The following STPG2 variants were observed in gnomAD, a reference collection of about 807,000 sequenced individuals.
STPG2 encodes sperm tail PG-rich repeat containing 2.
Under a neutral mutation model 54.2 loss-of-function variants are expected in STPG2, and 56 were observed. The ratio of observed to expected loss-of-function variants is 1.03; its 90% CI spans 0.83 to 1.29. STPG2 has a LOEUF of 1.29. Among genes scored for constraint, STPG2 ranks in the 50% most tolerant of loss-of-function variants. The pLI, the probability that STPG2 is intolerant of heterozygous loss-of-function variation, is 0.00. For synonymous variants in STPG2, 200 were observed against 181.8 expected, an observed-to-expected ratio of 1.10 and a Z score of -0.81; for missense variants, 596 against 544.9, an observed-to-expected ratio of 1.09 and a Z score of -0.93.
intron 8 of STPG2, among the ~76,000 whole-genome samples, chr4:97,861,812 C>T (rs981292120): frequency 3.3e-5 from 5 of 152,044 alleles, no homozygotes; most frequent in African/African-American, 1.2e-4. Flanking sequence ...ATTTCATATC[C>T]AGCCAAACTA....
chr4:98,061,976 AC>A (rs1175479482), intron 5 of STPG2, among the ~76,000 whole-genome samples: 1 of 152,190 alleles, frequency 6.6e-6, no homozygotes, highest in African/African-American at 2.4e-5. Context: ...AAATGATTCT[AC>A]CATAAAGACA....
intron 4 of STPG2, among the ~76,000 whole-genome samples, chr4:97,498,463 T>C (rs964128358): frequency 1.3e-5 from 2 of 151,974 alleles, no homozygotes; most frequent in Non-Finnish European, 2.9e-5. Flanking sequence ...ACTGTTGAAT[T>C]TTGTTGTTAT....
At chr4:97,959,449 C>T (rs1733805955) in intron 7 of STPG2, among the ~76,000 whole-genome samples, 1 of 151,730 alleles carries the variant, frequency 6.6e-6, no homozygotes, top group Non-Finnish European at 1.5e-5. Flanking sequence ...AATTGATAGG[C>T]CATTAGCAAG....
chr4:97,571,187 T>C (rs1435378877), intron 10 of STPG2, among the ~76,000 whole-genome samples: 2 of 152,144 alleles, frequency 1.3e-5, no homozygotes, highest in African/African-American at 2.4e-5. Context: ...TTTGACATTA[T>C]AGCACAGGTA....
intron 10 of STPG2, among the ~76,000 whole-genome samples, chr4:97,596,107 A>G (rs1042258273): frequency 6.6e-6 from 1 of 152,190 alleles, no homozygotes; most frequent in Non-Finnish European, 1.5e-5. Context: ...GAAAAAAATC[A>G]GGGGTTGCTA....
intron 5 of STPG2, among the ~76,000 whole-genome samples, chr4:97,985,135 T>C (rs1734791373): frequency 6.6e-6 from 1 of 152,192 alleles, no homozygotes; most frequent in Non-Finnish European, 1.5e-5. Context: ...TTATTGGAAG[T>C]ACTAAAAGGA....
intron 8 of STPG2, among the ~76,000 whole-genome samples, chr4:97,851,919 T>A (rs565940999): frequency 1.5e-4 from 23 of 152,342 alleles, no homozygotes; most frequent in African/African-American, 5.0e-4. Flanking sequence ...ATGCTAATGC[T>A]ACTGAGGCAG....
chr4:97,963,398 T>G (rs796070502), intron 7 of STPG2, among the ~76,000 whole-genome samples: 35 of 152,280 alleles, frequency 2.3e-4, no homozygotes, highest in African/African-American at 6.0e-4. Flanking sequence ...GGCTCACCCC[T>G]GTAACCCCAC....
chr4:97,920,140 G>A (rs1732040670), intron 8 of STPG2, among the ~76,000 whole-genome samples: 1 of 152,136 alleles, frequency 6.6e-6, no homozygotes, highest in African/African-American at 2.4e-5. Context: ...TGAGAGGACA[G>A]GATTCTGGCT....
chr4:97,817,159 T>C (rs1285626324), intron 9 of STPG2, among the ~76,000 whole-genome samples: 2 of 150,140 alleles, frequency 1.3e-5, no homozygotes, highest in Admixed American at 6.7e-5. Context: ...TAGCAAGTTA[T>C]GTAACTTCCC....
At chr4:97,633,970 C>G (rs1256643364) in intron 10 of STPG2, 4 of 153,886 alleles carry the variant, frequency 2.6e-5, no homozygotes, top group African/African-American at 4.8e-5. Context: ...CCAGGAAGCT[C>G]GAACTGGGTG....
intron 9 of STPG2, among the ~76,000 whole-genome samples, chr4:97,783,034 T>A (rs1726699535): frequency 6.6e-6 from 1 of 152,122 alleles, no homozygotes; most frequent in South Asian, 2.1e-4. Flanking sequence ...GGACTTCATG[T>A]CTAAAACATC....
chr4:97,864,487 A>T (rs911248466), intron 8 of STPG2, among the ~76,000 whole-genome samples: 1 of 152,226 alleles, frequency 6.6e-6, no homozygotes, highest in Non-Finnish European at 1.5e-5. Flanking sequence ...GATAGGAAGA[A>T]TCAATATCGT....
intron 4 of STPG2, among the ~76,000 whole-genome samples, chr4:97,537,104 G>A (rs1428915254): frequency 2.0e-5 from 3 of 152,160 alleles, no homozygotes; most frequent in Admixed American, 6.5e-5. Context: ...CCAGTCTACA[G>A]CTCCCAGTGT....
intron 10 of STPG2, among the ~76,000 whole-genome samples, chr4:97,591,196 AAAG>A (rs1733137783): frequency 6.6e-6 from 1 of 152,188 alleles, no homozygotes; most frequent in Admixed American, 6.5e-5. Flanking sequence ...ATTTAAAACT[AAAG>A]AGAAAAGATC....
intron 1 of STPG2, among the ~76,000 whole-genome samples, chr4:98,136,111 A>G (rs7673880): frequency 0.4 from 59,765 of 151,272 alleles, 12,051 homozygotes; most frequent in Middle Eastern, 0.46. Flanking sequence ...ACAAGGTAGA[A>G]AAAAGATGAA....
At chr4:97,721,415 C>G (rs1235610442) in intron 9 of STPG2, among the ~76,000 whole-genome samples, 6 of 152,072 alleles carry the variant, frequency 3.9e-5, no homozygotes, top group African/African-American at 1.4e-4. Flanking sequence ...TGCAACAATA[C>G]AGGAGCATAT....
chr4:97,542,157 A>T (rs1038793303), intron 4 of STPG2, among the ~76,000 whole-genome samples: 2 of 151,892 alleles, frequency 1.3e-5, no homozygotes, highest in African/African-American at 4.8e-5. Context: ...TGCACTCAAA[A>T]AAACTACCAT....
At position 97,699,164 on chromosome 4, in the gene STPG2, A is replaced by C. The variant is rs1723684220; in HGVS notation, c.1320+13535T>G. On this transcript the variant is annotated intron_variant, in intron 10 of 10. Coordinates refer to ENST00000295268, the MANE Select transcript of STPG2 (RefSeq NM_174952.3). ...TCAGTGTCAGTCTCTGCTGCTGGCA[A>C]ATTGGGCACTCGACAGTGGCTGCAG... Among the ~76,000 whole-genome samples the C allele has an allele frequency of 3.9e-5, 6 of 152,172 alleles. 1 individual carries two copies. In the South Asian group the frequency reaches 1.2e-3, roughly 32 times the overall value.
Sources: allele counts gnomAD v4.1 joint callset (sites outside exome capture counted in the v4.1 genomes callset), GRCh38; gene constraint gnomAD v4.1.1; transcripts MANE v1.5; gene names NCBI Gene and HGNC (gene_info 2026-07-23, HGNC 2026-07-21).